Variants in FLG observed in about 807,000 individuals in gnomAD.
The protein encoded by FLG is epidermal filaggrin.
FLG carries 6 observed loss-of-function variants against 3.8 expected under a neutral mutation model. The ratio of observed to expected loss-of-function variants is 1.60; its 90% CI spans 0.87 to 3.15. The LOEUF (loss-of-function observed/expected upper bound fraction) is 3.15, where lower values mean the gene tolerates loss of function less well. Ranked by LOEUF, FLG falls within the 30% of genes most tolerant of loss-of-function variation. The pLI is 0.00. For missense variants in FLG, 7,595 were observed against 5,050.9 expected, an observed-to-expected ratio of 1.50 and a Z score of -15.27; for synonymous variants, 2,551 against 1,931.6, an observed-to-expected ratio of 1.32 and a Z score of -8.41.
chr1:152,318,012 GT>G (rs752504698), intron 1 of FLG, among the ~76,000 whole-genome samples: 3 of 151,978 alleles, frequency 2.0e-5, no homozygotes, highest in African/African-American at 4.8e-5. Flanking sequence ...AAATTAGTCA[GT>G]TTTCCCTACT....
rs1328166991 is a variant in FLG, at chr1:152,313,102, G to C, written c.1784C>G (p.Ala595Gly). ...CACCTGTGAGTGTCTAGAGCTGTCA[G>C]CCTGAGAGGAAGCTTCATGATGACG... ...GSRHHEASSQ[A>G]DSSRHSQVGQ... The change falls in exon 3 of 3, where the codon GCT becomes GGT. Residue 595 changes from alanine to glycine, a missense_variant. Coordinates refer to ENST00000368799, the MANE Select transcript of FLG (RefSeq NM_002016.2). The C allele has an allele frequency of 1.2e-6, 2 of 1,613,936 alleles. No homozygotes were observed. Among genetic ancestry groups the C allele is most frequent in the Non-Finnish European group, 1.7e-6 (2 of 1,180,004 alleles).
Position 152,314,571 on chromosome 1 carries a change from ACTGTGCTTT to A in FLG, c.306_314del (p.Arg102_His104del), listed in dbSNP as rs766604084. 9.9e-6 allele frequency: 16 copies of A among 1,613,190 alleles called. No individual in the cohort carries two copies. The East Asian group carries it at 3.6e-4, about 36-fold the overall frequency. On this transcript the variant is annotated inframe_deletion, in exon 3 of 3. Coordinates refer to ENST00000368799, the MANE Select transcript of FLG (RefSeq NM_002016.2). The stretch of plus-strand genomic sequence containing the variant: ...TATTATCTTCATGTTTATCATGATG[ACTGTGCTTT>A]CTGTGCTTGTGTCCTGATATCGGTA...
Position 152,311,326 on chromosome 1 carries a change from C to A in FLG, c.3560G>T (p.Arg1187Ile). ...GTGATGGGACCCTGAGTGTCCAGAT[C>A]TATCTACCGATTGCTCATGGTGGGA... ...QGSHHEQSVD[R>I]SGHSGSHHSH... is the part of the protein sequence containing the mutation. Residue 1187 changes from arginine to isoleucine, a missense_variant, in exon 3 of 3, where the codon AGA becomes ATA. By Grantham distance (97) the Arg-to-Ile change is moderately conservative. Coordinates refer to ENST00000368799, the MANE Select transcript of FLG (RefSeq NM_002016.2). 2 of 1,613,952 alleles carry A rather than the reference C, an allele frequency of 1.2e-6. No homozygotes were observed. The highest frequency in any genetic ancestry group is 1.7e-5 in the Admixed American group (1 of 60,016).
chr1:152,307,379 C>G lies in FLG; in HGVS notation c.7507G>C (p.Ala2503Pro). The change falls in exon 3 of 3, where the codon GCC (alanine) becomes CCC (proline). Residue 2503 changes from alanine (A) to proline (P), a missense_variant. By Grantham distance (27) the Ala-to-Pro change is conservative. Coordinates refer to ENST00000368799, the MANE Select transcript of FLG (RefSeq NM_002016.2). ...CTGGATCCTGAGTGCCCATGGGAGG[C>G]ATCAGACCTTCCCTGGGATGTGGTG... ...SHTTSQGRSD[A>P]SHGHSGSRSA... The G allele has an allele frequency of 6.2e-7, 1 of 1,613,232 alleles. No individual in the cohort carries two copies. Among genetic ancestry groups the G allele is most frequent in the South Asian group, 1.1e-5 (1 of 91,020 alleles).
In FLG at chr1:152,302,944, C is replaced by T. The variant is rs1302451466; in HGVS notation, c.11942G>A (p.Ser3981Asn). The change falls in exon 3 of 3, where the codon AGT (serine) becomes AAT (asparagine). Residue 3981 changes from serine to asparagine, a missense_variant. Ser to Asn is a conservative substitution (Grantham distance 46). Transcript: ENST00000368799. ...GGATTCACCATAATCATAATCTGCA[C>T]TACCATAGCTGCCATGTCTCCAAAC... The part of the protein sequence containing the change: ...GLVWRHGSYG[S>N]ADYDYGESGF... 1 of 1,614,196 alleles carries T rather than the reference C, an allele frequency of 6.2e-7. No homozygotes were observed. The highest frequency in any genetic ancestry group is 8.5e-7 in the Non-Finnish European group (1 of 1,180,016).
In FLG at chr1:152,307,421, C is replaced by T. The variant is rs757102792; in HGVS notation, c.7465G>A (p.Gly2489Arg). The T allele has an allele frequency of 1.9e-6, 3 of 1,613,308 alleles. No homozygotes were observed. The highest frequency in any genetic ancestry group is 1.7e-6 in the Non-Finnish European group (2 of 1,179,730). The change falls in exon 3 of 3, where the codon GGG becomes AGG. Residue 2489 changes from glycine (G) to arginine (R), a missense_variant. Coordinates refer to ENST00000368799, the MANE Select transcript of FLG (RefSeq NM_002016.2). ...EQLVDRSGHS[G>R]SHHSHTTSQG... ...GATGTGGTGTGGCTGTGATGAGACC[C>T]TGAGTGTCCAGATCTATCTACCAAT...
In FLG at chr1:152,314,735, G is replaced by A. The variant is rs148520067; in HGVS notation, c.151C>T (p.Pro51Ser). The A allele has an allele frequency of 5.0e-6, 8 of 1,613,734 alleles. No homozygotes were observed. Among genetic ancestry groups the A allele is most frequent in the Non-Finnish European group, 6.8e-6 (8 of 1,179,728 alleles). ...TCCATGAAGACATCAACCATATCTG[G>A]GTCATCTGGATTCTGTACAGAGGGA... ...FRQILKNPDD[P>S]DMVDVFMDHL... is the part of the protein sequence containing the mutation. Residue 51 changes from proline to serine, a missense_variant, in exon 3 of 3, where the codon CCA (proline) becomes TCA (serine). Transcript: ENST00000368799.
Position 152,311,189 on chromosome 1 carries a change from A to T in FLG, c.3697T>A (p.Ser1233Thr). 1 of 1,613,552 alleles carries T rather than the reference A, an allele frequency of 6.2e-7. No homozygotes were observed. The highest frequency in any genetic ancestry group is 8.5e-7 in the Non-Finnish European group (1 of 1,179,952). The change falls in exon 3 of 3, where the codon TCA becomes ACA. Residue 1233 changes from serine (S) to threonine (T), a missense_variant. By Grantham distance (58) the Ser-to-Thr change is moderately conservative. Coordinates refer to ENST00000368799, the MANE Select transcript of FLG (RefSeq NM_002016.2). ...DKQSGDGSRH[S>T]GSRHHEAASW... ...GCAGCTTCATGGTGACGTGACCCTGAGTGCCTGGAGCCGTCTCCTGATTGT... is the reference window on the plus strand; with the variant it reads ...GCAGCTTCATGGTGACGTGACCCTGTGTGCCTGGAGCCGTCTCCTGATTGT...
At position 152,313,057 on chromosome 1, in the gene FLG, C is replaced by T. The variant is rs200858156; in HGVS notation, c.1829G>A (p.Gly610Glu). 4.3e-6 allele frequency: 7 copies of T among 1,613,796 alleles called. No homozygotes were observed. The Admixed American group carries it at 6.7e-5, about 15-fold the overall frequency. ...HSQVGQGQSS[G>E]PRTSRNQGSS... ...TCCCTGGTTCCTACTTGTCCTGGGC[C>T]CCGATGATTGTCCCTGGCCCACCTG... Residue 610 changes from glycine (G) to glutamate (E), a missense_variant, in exon 3 of 3, where the codon GGG becomes GAG. Coordinates refer to ENST00000368799, the MANE Select transcript of FLG (RefSeq NM_002016.2).
In FLG at chr1:152,310,802, G is replaced by A; in HGVS notation, c.4084C>T (p.Gln1362Ter). 6.2e-7 allele frequency: 1 copy of A among 1,611,660 alleles called. No individual in the cohort carries two copies. The highest frequency in any genetic ancestry group is 8.5e-7 in the Non-Finnish European group (1 of 1,179,058). ...TGTCTGGAGCTGTCTGCTGACTGCTGGTGGCGGGATCCATGTCTTTCTCCT... is the reference window on the plus strand; with the variant it reads ...TGTCTGGAGCTGTCTGCTGACTGCTAGTGGCGGGATCCATGTCTTTCTCCT... ...SPGERHGSRH[Q>*]QSADSSRHSG... Residue 1362 changes from glutamine (Q) to a stop codon, truncating the protein, a stop_gained, in exon 3 of 3, where the codon CAG becomes TAG. Coordinates refer to ENST00000368799, the MANE Select transcript of FLG (RefSeq NM_002016.2). LOFTEE classifies it low-confidence loss of function (END_TRUNC).
chr1:152,307,167 A>C lies in FLG; in HGVS notation c.7719T>G (p.Ser2573Arg), dbSNP rs1371993668. The C allele has an allele frequency of 1.9e-6, 3 of 1,612,538 alleles. No homozygotes were observed. The highest frequency in any genetic ancestry group is 3.3e-5 in the Admixed American group (2 of 59,926). ...TCTCAGAGTCTTCTGAGTGTCCCTG[A>C]CTGTCACTGTCCTGGCTAAAACTGG... ...WGSSFSQDSD[S>R]QGHSEDSERW... The change falls in exon 3 of 3, where the codon AGT becomes AGG. Residue 2573 changes from serine to arginine, a missense_variant. Ser to Arg is a moderately radical substitution (Grantham distance 110, BLOSUM62 -1). Transcript: ENST00000368799.
rs754076126 is a variant in FLG at position 152,309,834 on chromosome 1, G to T, written c.5052C>A (p.Arg1684=). 4.3e-6 allele frequency: 7 copies of T among 1,613,958 alleles called. No homozygotes were observed. Among genetic ancestry groups the T allele is most frequent in the African/African-American group, 2.7e-5 (2 of 74,880 alleles). ...TGGAGCTGTCTGCTGACTGCTGGTG[G>T]CGGGATCCATGTCTTTCTCCTGGAC... ...RSSPGERHGS[R]HQQSADSSTD... Residue 1684 remains arginine (R), a synonymous_variant, in exon 3 of 3, where the codon CGC becomes CGA. Transcript: ENST00000368799.
rs778545248 is a variant in FLG at position 152,308,204 on chromosome 1, C to A, written c.6682G>T (p.Gly2228Ter). Residue 2228 changes from glycine to a stop codon, truncating the protein, a stop_gained, in exon 3 of 3, where the codon GGA becomes TGA. Transcript: ENST00000368799. LOFTEE classifies it low-confidence loss of function (END_TRUNC). ...DSSRHSLVGQGQSSGPRTSRP... is the reference protein window; with the variant it reads ...DSSRHSLVGQ The stretch of plus-strand genomic sequence containing the variant: ...CTTGTCCTGGGCCCTGATGATTGTC[C>A]CTGGCCCACCAGTGAGTGTCTAGAG... The A allele has an allele frequency of 3.1e-5, 50 of 1,613,874 alleles. No homozygotes were observed. The highest frequency in any genetic ancestry group is 4.2e-5 in the Non-Finnish European group (49 of 1,179,990).
Position 152,311,451 on chromosome 1 carries a change from G to C in FLG, c.3435C>G (p.His1145Gln), listed in dbSNP as rs770123501. The change falls in exon 3 of 3, where the codon CAC becomes CAG. Residue 1145 changes from histidine (H) to glutamine (Q), a missense_variant. By Grantham distance (24) the His-to-Gln change is conservative (BLOSUM62 0). Coordinates refer to ENST00000368799, the MANE Select transcript of FLG (RefSeq NM_002016.2). ...TGGAGCTGTCTCGTGCCTGCTCGTG[G>C]TGGGATCCTTGTCTTCGTCCAGTGC... ...RTSTGRRQGS[H>Q]HEQARDSSRH... 7 of 1,613,906 alleles carry C rather than the reference G, an allele frequency of 4.3e-6. No individual in the cohort carries two copies. In the South Asian group the frequency reaches 6.6e-5, roughly 15 times the overall value.
rs150597413 is a variant in FLG at position 152,305,146 on chromosome 1, G to T, written c.9740C>A (p.Ser3247Ter). 2.8e-3 allele frequency: 4,508 copies of T among 1,613,830 alleles called. 16 individuals are homozygous for T. Among genetic ancestry groups the T allele is most frequent in the Non-Finnish European group, 3.5e-3 (4,171 of 1,179,926 alleles). The change falls in exon 3 of 3, where the codon TCA becomes TAA. Residue 3247 changes from serine to a stop codon, truncating the protein, a stop_gained. Coordinates refer to ENST00000368799, the MANE Select transcript of FLG (RefSeq NM_002016.2). LOFTEE classifies it low-confidence loss of function (END_TRUNC). ...CCTGGGGTGTCTGGAGCCGTGCCTT[G>T]ACTGCTCCTGAACAGATCCACGATG... is the stretch of plus-strand genomic sequence containing the variant. ...RNHRGSVQEQ[S>*]RHGSRHPRSH...
chr1:152,313,911 C>T lies in FLG; in HGVS notation c.975G>A (p.Ala325=), dbSNP rs146115338. 9.5e-4 allele frequency: 1,528 copies of T among 1,614,002 alleles called. 28 individuals carry two copies. In the East Asian group the frequency reaches 0.028, roughly 30 times the overall value. The stretch of plus-strand genomic sequence containing the variant: ...TGGAGCCATCTCTTGACTGCTCCCA[C>T]GCAGATCCATGATGGTTTCTGGAAG... ...GSASRNHHGS[A]WEQSRDGSRH... is the part of the protein sequence containing the mutation. The change falls in exon 3 of 3, where the codon GCG becomes GCA. Residue 325 remains alanine (A), a synonymous_variant. Coordinates refer to ENST00000368799, the MANE Select transcript of FLG (RefSeq NM_002016.2).
chr1:152,307,981 G>C lies in FLG; in HGVS notation c.6905C>G (p.Ser2302Ter). 6.2e-7 allele frequency: 1 copy of C among 1,614,196 alleles called. No homozygotes were observed. Among genetic ancestry groups the C allele is most frequent in the Non-Finnish European group, 8.5e-7 (1 of 1,180,050 alleles). Residue 2302 changes from serine to a stop codon, truncating the protein, a stop_gained, in exon 3 of 3, where the codon TCA (serine) becomes TGA (stop). Coordinates refer to ENST00000368799, the MANE Select transcript of FLG (RefSeq NM_002016.2). LOFTEE classifies it low-confidence loss of function (END_TRUNC). Reference protein sequence around the residue: ...HGHSAESSRQSGTHHAENSSG... With the variant: ...HGHSAESSRQ ...GGAATTCTCTGCATGATGAGTGCCT[G>C]ATTGTCTGGAGCTCTCTGCAGAGTG...
At chr1:152,315,633 C>T (rs1652761654) in intron 1 of FLG, among the ~76,000 whole-genome samples, 156 bp from the exon 2 acceptor site, 1 of 152,188 alleles carries the variant, frequency 6.6e-6, no homozygotes. Context: ...CTACCATCTA[C>T]ATAAAACAAA....
In FLG at chr1:152,304,528, G is replaced by C; in HGVS notation, c.10358C>G (p.Ser3453Trp). ...CCCTGAGTGTCCAGACCTATCTACCGATTGCTCGTAGTGGGATCCCTGCCT... is the reference window on the plus strand; with the variant it reads ...CCCTGAGTGTCCAGACCTATCTACCCATTGCTCGTAGTGGGATCCCTGCCT... ...RGRQGSHYEQ[S>W]VDRSGHSGSH... Residue 3453 changes from serine to tryptophan, a missense_variant, in exon 3 of 3, where the codon TCG becomes TGG. Coordinates refer to ENST00000368799, the MANE Select transcript of FLG (RefSeq NM_002016.2). 1.2e-6 allele frequency: 2 copies of C among 1,612,294 alleles called. No homozygotes were observed. The highest frequency in any genetic ancestry group is 1.7e-6 in the Non-Finnish European group (2 of 1,179,320).
Sources: gnomAD v4.1 joint callset for allele counts (sites outside exome capture counted in the v4.1 genomes callset) on GRCh38, gnomAD v4.1.1 for gene constraint, MANE v1.5 for transcripts, NCBI Gene and HGNC (gene_info 2026-07-23, HGNC 2026-07-21) for gene names.